PDAP1: variants seen among roughly 807,000 people sequenced by gnomAD.
The protein encoded by PDAP1 is 28 kDa heat- and acid-stable phosphoprotein.
Under a neutral mutation model 28.0 loss-of-function variants are expected in PDAP1, and 13 were observed. The observed-to-expected ratio is 0.46, with a 90% CI of 0.30 to 0.74. PDAP1 has a LOEUF of 0.74. Among genes scored for constraint, PDAP1 ranks in the 30% least tolerant of loss-of-function variants. The probability of loss-of-function intolerance (pLI) is 0.07; values close to 1 mark genes in which losing one functional copy is unlikely to be tolerated. For missense variants in PDAP1, 150 were observed against 230.0 expected (o/e 0.65, Z 2.25); for synonymous variants, 77 against 85.1 (o/e 0.91, Z 0.52).
chr7:99,405,592 G>C (rs1451809720), intron 1 of PDAP1, among the ~76,000 whole-genome samples: 1 of 151,630 alleles, frequency 6.6e-6, no homozygotes, highest in Non-Finnish European at 1.5e-5. Context: ...TTGATCTCTT[G>C]ACCTCGTGAT....
intron 4 of PDAP1, among the ~76,000 whole-genome samples, chr7:99,399,714 T>C (rs1216735498): frequency 1.3e-5 from 2 of 152,188 alleles, no homozygotes; most frequent in East Asian, 1.9e-4. Context: ...TTCAACCTCT[T>C]GTAAGGCCCT....
chr7:99,395,529 TTC>T lies in PDAP1; in HGVS notation c.*1151_*1152del, dbSNP rs1449962323. 1.3e-5 allele frequency: 2 copies of T among 152,222 alleles called. No individual in the cohort carries two copies. The highest frequency in any genetic ancestry group is 4.8e-5 in the African/African-American group (2 of 41,448). The allele number at this position is 152,222 out of a possible 1,614,324, so 9.4% of individuals were successfully genotyped here. On this transcript the variant is annotated 3_prime_UTR_variant, in exon 6 of 6. Coordinates refer to ENST00000350498, the MANE Select transcript of PDAP1 (RefSeq NM_014891.7). ...TTTTTTCGTGTGCTGTAAACTGAGG[TTC>T]TGTCTTGGAGTTTATGTCATGTCAC...
rs1335421725 is a variant in PDAP1 at position 99,395,371 on chromosome 7, G to C, written c.*1311C>G. ...TCTCCATGTTGGCCAGGCTGGTCTT[G>C]AACTCCTGACCTCAGATGATCCACC... On this transcript the variant is annotated 3_prime_UTR_variant, in exon 6 of 6. Transcript: ENST00000350498. 2 of 152,150 alleles carry C rather than the reference G, an allele frequency of 1.3e-5. No individual in the cohort carries two copies. The highest frequency in any genetic ancestry group is 2.4e-5 in the African/African-American group (1 of 41,394). 9.4% of individuals were successfully genotyped at this position (152,150 alleles called of 1,614,324 possible). A position where few individuals can be genotyped will look rare whatever the true frequency, so the allele number is the denominator to read the frequency against.
intron 1 of PDAP1, chr7:99,406,700 G>A (rs1448653731): frequency 1.4e-6 from 1 of 703,276 alleles, no homozygotes; most frequent in Non-Finnish European, 1.7e-6. Flanking sequence ...AGGAAGCTGA[G>A]GCCCACCTGA....
intron 1 of PDAP1, 31 bp downstream of exon 1, chr7:99,408,505 G>A (rs1230799152): frequency 1.5e-6 from 2 of 1,330,966 alleles, no homozygotes; most frequent in Admixed American, 3.8e-5. Flanking sequence ...CGCCCCTCCA[G>A]GCCTGCGGGC....
At chr7:99,398,039 G>A in intron 4 of PDAP1, 26 bp from the exon 5 acceptor site, 1 of 1,612,728 alleles carries the variant, frequency 6.2e-7, no homozygotes, top group African/African-American at 1.3e-5. Context: ...GGTGTCATGG[G>A]GACATCTTTC....
intron 1 of PDAP1, among the ~76,000 whole-genome samples, chr7:99,407,520 C>T (rs932669582): frequency 6.6e-6 from 1 of 152,186 alleles, no homozygotes. Flanking sequence ...ACGCTACAGG[C>T]AGATGTTTCT....
chr7:99,402,011 T>C (rs990142169), intron 3 of PDAP1, among the ~76,000 whole-genome samples: 2 of 152,016 alleles, frequency 1.3e-5, no homozygotes, highest in Non-Finnish European at 2.9e-5. Context: ...GGCTCACGCC[T>C]GTAATCCCAG....
At chr7:99,400,235 C>T (rs1388437076) in intron 4 of PDAP1, 68 bp downstream of exon 4, 1 of 1,576,446 alleles carries the variant, frequency 6.3e-7, no homozygotes, top group Non-Finnish European at 8.7e-7. Context: ...AGCTGGGGAC[C>T]TTAGCATCCC....
intron 4 of PDAP1, 39 bp downstream of exon 4, chr7:99,400,264 T>A: frequency 6.2e-7 from 1 of 1,610,686 alleles, no homozygotes; most frequent in Non-Finnish European, 8.5e-7. Flanking sequence ...ACTGCTGGCC[T>A]GTATTCCCCG....
At chr7:99,404,283 A>C (rs1170541823) in intron 2 of PDAP1, among the ~76,000 whole-genome samples, 1 of 152,156 alleles carries the variant, frequency 6.6e-6, no homozygotes, top group African/African-American at 2.4e-5. Context: ...ATGATATGGT[A>C]AGATGCAGAT....
In PDAP1 at chr7:99,396,513, C is replaced by G; in HGVS notation, c.*169G>C. 3.9e-6 allele frequency: 2 copies of G among 506,606 alleles called. No homozygotes were observed. Among genetic ancestry groups the G allele is most frequent in the South Asian group, 3.5e-5 (2 of 57,464 alleles). The allele number at this position is 506,606 out of a possible 1,614,324, so 31.4% of individuals were successfully genotyped here. ...CTACCCCTCCCCCAGTCCCCCCCCC[C>G]ATCCCCCAAACAATTTCTGTGCCAA... is the stretch of plus-strand genomic sequence containing the variant. On this transcript the variant is annotated 3_prime_UTR_variant, in exon 6 of 6. Transcript: ENST00000350498.
chr7:99,405,564 T>C (rs969335884), intron 1 of PDAP1, among the ~76,000 whole-genome samples: 1 of 152,042 alleles, frequency 6.6e-6, no homozygotes, highest in African/African-American at 2.4e-5. Flanking sequence ...TTAACCATGT[T>C]GGTTGGCTAG....
intron 4 of PDAP1, among the ~76,000 whole-genome samples, chr7:99,398,249 AG>A (rs1794802274): frequency 6.6e-6 from 1 of 152,248 alleles, no homozygotes; most frequent in African/African-American, 2.4e-5. Context: ...TCAGAGGGAA[AG>A]GGGACAATGT....
At chr7:99,398,275 G>A (rs572239995) in intron 4 of PDAP1, among the ~76,000 whole-genome samples, 76 of 152,376 alleles carry the variant, frequency 5.0e-4, no homozygotes, top group Admixed American at 4.0e-3. Flanking sequence ...CTACAGCAGG[G>A]AGGGGAAGAT....
intron 1 of PDAP1, 69 bp downstream of exon 1, chr7:99,408,467 G>T: frequency 1.5e-6 from 2 of 1,311,508 alleles, no homozygotes. Flanking sequence ...CGCACGGGCT[G>T]AGGGGACAGC....
intron 1 of PDAP1, among the ~76,000 whole-genome samples, chr7:99,405,994 G>GT (rs1242354352): frequency 5.9e-5 from 9 of 152,218 alleles, no homozygotes; most frequent in African/African-American, 2.2e-4. Context: ...GCTGATGCCT[G>GT]TAATCCCAGC....
In PDAP1 at chr7:99,400,383, G is replaced by T; in HGVS notation, c.255C>A (p.Asn85Lys). 6.2e-7 allele frequency: 1 copy of T among 1,614,138 alleles called. No individual in the cohort carries two copies. Among genetic ancestry groups the T allele is most frequent in the Non-Finnish European group, 8.5e-7 (1 of 1,179,968 alleles). ...TGGTTGTCTGTGCCACCCGGTTGGG[G>T]TTCTCGATGTCGATGAGCCCTTCAA... ...KGVEGLIDIE[N>K]PNRVAQTTKK... The change falls in exon 4 of 6, where the codon AAC becomes AAA. Residue 85 changes from asparagine to lysine, a missense_variant. Asn to Lys is a moderately conservative substitution (Grantham distance 94). Transcript: ENST00000350498.
chr7:99,398,226 T>C (rs148659754), intron 4 of PDAP1, among the ~76,000 whole-genome samples: 3 of 152,332 alleles, frequency 2.0e-5, no homozygotes, highest in African/African-American at 4.8e-5. Flanking sequence ...ACATCTGCGA[T>C]GTCCAGAAAG....
Sources: gnomAD v4.1 joint callset for allele counts (sites outside exome capture counted in the v4.1 genomes callset) on GRCh38, gnomAD v4.1.1 for gene constraint, MANE v1.5 for transcripts, NCBI Gene and HGNC (gene_info 2026-07-23, HGNC 2026-07-21) for gene names.